SYN3: variants seen among roughly 807,000 people sequenced by gnomAD.
The protein encoded by SYN3 is synapsin III.
A neutral mutation model predicts 65.8 loss-of-function variants in SYN3; 35 were observed. That is an observed-to-expected ratio of 0.53 (90% CI 0.41 to 0.70). The LOEUF (loss-of-function observed/expected upper bound fraction) is 0.70, where lower values mean the gene tolerates loss of function less well. SYN3 is among the 30% of genes least tolerant of loss of function. The pLI is 0.00. For synonymous variants in SYN3, 270 were observed against 292.9 expected, an observed-to-expected ratio of 0.92 and a Z score of 0.80; for missense variants, 680 against 749.0, an observed-to-expected ratio of 0.91 and a Z score of 1.08.
chr22:33,012,910 C>A (rs914304618), intron 1 of SYN3, among the ~76,000 whole-genome samples: 6 of 152,162 alleles, frequency 3.9e-5, no homozygotes, highest in African/African-American at 1.4e-4. Flanking sequence ...TCCTGTCCAC[C>A]TCCTGTCTAT....
At chr22:32,602,429 C>T (rs2059297755) in intron 6 of SYN3, among the ~76,000 whole-genome samples, 1 of 150,896 alleles carries the variant, frequency 6.6e-6, no homozygotes, top group African/African-American at 2.5e-5. Context: ...ATAGTTCTAT[C>T]CCGATAGTTT....
intron 4 of SYN3, among the ~76,000 whole-genome samples, chr22:32,886,120 G>T (rs562410527): frequency 6.6e-6 from 1 of 152,298 alleles, no homozygotes; most frequent in Admixed American, 6.5e-5. Flanking sequence ...TCATAAGCTT[G>T]TGTGTTTTAA....
intron 2 of SYN3, among the ~76,000 whole-genome samples, chr22:33,001,720 C>T (rs1343398170): frequency 6.6e-6 from 1 of 152,192 alleles, no homozygotes; most frequent in Non-Finnish European, 1.5e-5. Context: ...CAGATCTTAA[C>T]CCTACTTACA....
At position 32,768,331 on chromosome 22, in the gene SYN3, C is replaced by T. The variant is rs937281488; in HGVS notation, c.711+96584G>A. ...GAAAGACATGCTTCATCTACATATT[C>T]GCCCCTTTCTCTGCCTTCTTTGATG... On this transcript the variant is annotated intron_variant, in intron 6 of 13. Transcript: ENST00000358763. 1.2e-4 allele frequency among the ~76,000 whole-genome samples: 19 copies of T among 152,172 alleles called. 1 individual carries two copies. Among genetic ancestry groups the T allele is most frequent in the Non-Finnish European group, 2.9e-5 (2 of 68,034 alleles).
At chr22:33,019,362 C>G (rs1230913651) in intron 1 of SYN3, among the ~76,000 whole-genome samples, 1 of 152,164 alleles carries the variant, frequency 6.6e-6, no homozygotes, top group African/African-American at 2.4e-5. Context: ...GGCCATGAAA[C>G]CTGTAACTGG....
intron 4 of SYN3, among the ~76,000 whole-genome samples, chr22:32,876,895 T>C (rs1440086365): frequency 6.6e-6 from 1 of 152,260 alleles, no homozygotes; most frequent in Non-Finnish European, 1.5e-5. Flanking sequence ...AGTTTGTGCA[T>C]TTACTAAAAC....
chr22:33,057,288 C>T (rs1464480605), intron 1 of SYN3, among the ~76,000 whole-genome samples: 1 of 152,198 alleles, frequency 6.6e-6, no homozygotes, highest in East Asian at 1.9e-4. Context: ...TAAGGCTGCA[C>T]TTTAAGGTCT....
intron 7 of SYN3, among the ~76,000 whole-genome samples, chr22:32,588,806 C>T (rs755425775): frequency 6.6e-5 from 10 of 152,130 alleles, no homozygotes; most frequent in African/African-American, 1.4e-4. Context: ...TCTAATTCTA[C>T]GATGGAAACG....
intron 6 of SYN3, chr22:32,859,630 G>C (rs1319089758): frequency 1.5e-5 from 8 of 528,320 alleles, no homozygotes; most frequent in Non-Finnish European, 2.7e-5. Context: ...ATGCCAGAAA[G>C]AATGAGGAAC....
intron 6 of SYN3, among the ~76,000 whole-genome samples, chr22:32,754,850 C>T (rs776224853): frequency 6.6e-6 from 1 of 152,224 alleles, no homozygotes; most frequent in Non-Finnish European, 1.5e-5. Context: ...TGGGTGGAGC[C>T]TTGTTCAGGG....
chr22:32,933,980 T>C (rs1326335277), intron 3 of SYN3, among the ~76,000 whole-genome samples: 1 of 152,188 alleles, frequency 6.6e-6, no homozygotes. Context: ...CCGGGAGTAC[T>C]TACGCCTCTT....
intron 3 of SYN3, among the ~76,000 whole-genome samples, chr22:32,948,814 G>C (rs916892812): frequency 6.6e-6 from 1 of 150,676 alleles, no homozygotes; most frequent in African/African-American, 2.4e-5. Context: ...TGAGCTTCTT[G>C]GGTTTAAAAT....
At chr22:32,676,045 C>T (rs1268927060) in intron 6 of SYN3, among the ~76,000 whole-genome samples, 1 of 151,406 alleles carries the variant, frequency 6.6e-6, no homozygotes, top group Non-Finnish European at 1.5e-5. Flanking sequence ...CTCTTCCAGC[C>T]CCAGGATGAA....
chr22:32,744,415 T>C (rs1018159190), intron 6 of SYN3, among the ~76,000 whole-genome samples: 1 of 152,230 alleles, frequency 6.6e-6, no homozygotes, highest in African/African-American at 2.4e-5. Flanking sequence ...TACTCATTAA[T>C]GCCTGCTTCT....
chr22:32,508,530 C>T lies in SYN3; in HGVS notation c.*5162G>A, dbSNP rs1473562830. Among the ~76,000 whole-genome samples the T allele has an allele frequency of 6.6e-6, 1 of 152,116 alleles. No individual in the cohort carries two copies. The highest frequency in any genetic ancestry group is 2.4e-5 in the African/African-American group (1 of 41,424). On this transcript the variant is annotated 3_prime_UTR_variant, in exon 14 of 14. Coordinates refer to ENST00000358763, the MANE Select transcript of SYN3 (RefSeq NM_003490.4). ...GGGCCCCAAGGAGAGGTCTCATGTT[C>T]TCATTCTGCCTCCTCCCATTCCTCT...
chr22:32,938,520 ACT>A (rs1447644278), intron 3 of SYN3, among the ~76,000 whole-genome samples: 1 of 149,558 alleles, frequency 6.7e-6, no homozygotes, highest in Non-Finnish European at 1.5e-5. Flanking sequence ...ACAGAGTGAG[ACT>A]CTGTCTCAGA....
At position 32,825,092 on chromosome 22, in the gene SYN3, C is replaced by A. The variant is rs141419425; in HGVS notation, c.711+39823G>T. On this transcript the variant is annotated intron_variant, in intron 6 of 13. Coordinates refer to ENST00000358763, the MANE Select transcript of SYN3 (RefSeq NM_003490.4). ...GGACTCAGGCAGATAGGATTTCTTTCGGGTTTGGTAAACAGCTGGCCTCTA... is the reference window on the plus strand; with the variant it reads ...GGACTCAGGCAGATAGGATTTCTTTAGGGTTTGGTAAACAGCTGGCCTCTA... 3.7e-4 allele frequency among the ~76,000 whole-genome samples: 56 copies of A among 151,282 alleles called. 1 individual carries two copies. The highest frequency in any genetic ancestry group is 1.3e-3 in the African/African-American group (55 of 41,328).
chr22:32,955,601 T>A (rs571659498), intron 3 of SYN3, among the ~76,000 whole-genome samples: 65 of 152,294 alleles, frequency 4.3e-4, no homozygotes, highest in African/African-American at 1.5e-3. Flanking sequence ...TTAAGTACAT[T>A]CATGGTGTTG....
chr22:32,779,683 G>C (rs1030379611), intron 6 of SYN3, among the ~76,000 whole-genome samples: 2 of 152,132 alleles, frequency 1.3e-5, no homozygotes, highest in South Asian at 2.1e-4. Flanking sequence ...GCAGAGCTGG[G>C]AATCAAACCC....
Sources: allele counts gnomAD v4.1 joint callset (sites outside exome capture counted in the v4.1 genomes callset), GRCh38; gene constraint gnomAD v4.1.1; transcripts MANE v1.5; gene names NCBI Gene and HGNC (gene_info 2026-07-23, HGNC 2026-07-21).